GSE1: variants seen among roughly 807,000 people sequenced by gnomAD.
GSE1 encodes Gse1 coiled-coil protein, also known as genetic suppressor element 1.
GSE1 carries 32 observed loss-of-function variants against 112.6 expected under a neutral mutation model. That is an observed-to-expected ratio of 0.28 (90% confidence interval 0.21 to 0.38). The LOEUF is 0.38. Among genes scored for constraint, GSE1 ranks in the 10% least tolerant of loss-of-function variants. GSE1 has a pLI of 1.00. For missense variants in GSE1, 2,348 were observed against 1,699.2 expected (o/e 1.38, Z -6.71); for synonymous variants, 1,115 against 735.6 (o/e 1.52, Z -8.35).
At chr16:85,315,137 C>G (rs958022851) in intron 1 of GSE1, among the ~76,000 whole-genome samples, 10 of 151,180 alleles carry the variant, frequency 6.6e-5, no homozygotes, top group Admixed American at 2.6e-4. Flanking sequence ...TAACATCTTC[C>G]TCTGAGAAGT....
intron 2 of GSE1, among the ~76,000 whole-genome samples, chr16:85,415,579 C>T (rs1371457498): frequency 1.3e-5 from 2 of 152,252 alleles, no homozygotes; most frequent in Non-Finnish European, 2.9e-5. Context: ...AGCCAGGGCC[C>T]CGAGCAAACC....
At chr16:85,578,083 C>T (rs1032467956) in intron 1 of GSE1, among the ~76,000 whole-genome samples, 7 of 152,216 alleles carry the variant, frequency 4.6e-5, no homozygotes, top group South Asian at 2.1e-4. Flanking sequence ...GCAGTTCTTC[C>T]GTTGAATTCC....
At chr16:85,206,193 G>C (rs554449095) in intron 1 of GSE1, among the ~76,000 whole-genome samples, 2 of 149,400 alleles carry the variant, frequency 1.3e-5, no homozygotes, top group African/African-American at 2.6e-5. Context: ...CACCCAGATG[G>C]GGGGGGCGCA....
At position 85,518,072 on chromosome 16, in the gene GSE1, C is replaced by T. The variant is rs925467820; in HGVS notation, c.2465-115842C>T. Among the ~76,000 whole-genome samples the T allele has an allele frequency of 1.3e-5, 2 of 152,220 alleles. 1 individual carries two copies. Among genetic ancestry groups the T allele is most frequent in the Middle Eastern group, 6.3e-3 (2 of 316 alleles). On this transcript the variant is annotated intron_variant, in intron 2 of 2. Coordinates refer to the GSE1 transcript ENST00000637419. The stretch of plus-strand genomic sequence containing the variant: ...CTGGCCCGAGATGCCCTGACAGGCG[C>T]GTCGGCTGGAACTGGGCACAGCCGG...
At chr16:85,668,928 G>T (rs1045206410) in intron 14 of GSE1, among the ~76,000 whole-genome samples, 2 of 152,258 alleles carry the variant, frequency 1.3e-5, no homozygotes, top group African/African-American at 2.4e-5. Flanking sequence ...CAGGCTCCTG[G>T]TAAAGGCTTA....
intron 1 of GSE1, among the ~76,000 whole-genome samples, chr16:85,263,691 G>A (rs940605003): frequency 1.4e-4 from 22 of 151,950 alleles, no homozygotes; most frequent in African/African-American, 4.8e-4. Context: ...TCCCGCCTCA[G>A]CCTCCCAAGT....
rs564352349 is a variant in GSE1 at position 85,374,552 on chromosome 16, G to A, written c.2464+16909G>A. Reference sequence around the variant, plus strand: ...TGTGTGTGTGTGTGTGTGCGCGCGCGCGTGCACAGGTAGCTCCTAGCGTGT... The same window carrying A: ...TGTGTGTGTGTGTGTGTGCGCGCGCACGTGCACAGGTAGCTCCTAGCGTGT... On this transcript the variant is annotated intron_variant, in intron 2 of 2. Coordinates refer to the GSE1 transcript ENST00000637419. 2.0e-4 allele frequency among the ~76,000 whole-genome samples: 30 copies of A among 152,080 alleles called. No homozygotes were observed. The East Asian group carries it at 4.3e-3, about 22-fold the overall frequency.
intron 1 of GSE1, among the ~76,000 whole-genome samples, chr16:85,591,420 C>G (rs1410707718): frequency 6.6e-6 from 1 of 152,228 alleles, no homozygotes; most frequent in African/African-American, 2.4e-5. Context: ...ATTTGGGAGC[C>G]CAGTGGCTCT....
chr16:85,192,295 C>T (rs749540933), intron 1 of GSE1, among the ~76,000 whole-genome samples: 5 of 152,226 alleles, frequency 3.3e-5, no homozygotes, highest in African/African-American at 4.8e-5. Flanking sequence ...GCTAGCTGTG[C>T]GTTCTTGGGT....
intron 2 of GSE1, among the ~76,000 whole-genome samples, chr16:85,514,583 G>T (rs1218329166): frequency 6.6e-6 from 1 of 152,222 alleles, no homozygotes; most frequent in Admixed American, 6.5e-5. Context: ...AAGGCGGCCA[G>T]CCCCACTCTT....
At chr16:85,255,095 C>T (rs1293155870) in intron 1 of GSE1, among the ~76,000 whole-genome samples, 11 of 152,220 alleles carry the variant, frequency 7.2e-5, no homozygotes, top group African/African-American at 2.2e-4. Context: ...GAGGCGGCGG[C>T]GGCGGTCGCT....
At chr16:85,485,564 C>T (rs181427688) in intron 2 of GSE1, among the ~76,000 whole-genome samples, 44 of 152,372 alleles carry the variant, frequency 2.9e-4, no homozygotes, top group African/African-American at 9.4e-4. Flanking sequence ...CGGCTGCCGC[C>T]GCCGCCGCGT....
At chr16:85,376,188 C>T (rs1390915069) in intron 2 of GSE1, among the ~76,000 whole-genome samples, 1 of 152,202 alleles carries the variant, frequency 6.6e-6, no homozygotes, top group African/African-American at 2.4e-5. Context: ...TTCTGCCTCC[C>T]CTGGCAAGCA....
chr16:85,269,570 A>G (rs1166828299), intron 1 of GSE1, among the ~76,000 whole-genome samples: 1 of 149,286 alleles, frequency 6.7e-6, no homozygotes, highest in Non-Finnish European at 1.5e-5. Context: ...CTGGGGACCC[A>G]GGACAGAACA....
chr16:85,571,682 C>T (rs1397453458), intron 1 of GSE1, among the ~76,000 whole-genome samples: 1 of 152,170 alleles, frequency 6.6e-6, no homozygotes, highest in Non-Finnish European at 1.5e-5. Flanking sequence ...ACATTAAACA[C>T]AGGAAGGACT....
chr16:85,338,000 C>T (rs2046542182), intron 1 of GSE1, among the ~76,000 whole-genome samples: 1 of 152,156 alleles, frequency 6.6e-6, no homozygotes, highest in South Asian at 2.1e-4. Flanking sequence ...CTGGGAACAC[C>T]CCTGGGCTCT....
At chr16:85,319,581 CATT>C (rs1439422544) in intron 1 of GSE1, among the ~76,000 whole-genome samples, 2 of 152,222 alleles carry the variant, frequency 1.3e-5, no homozygotes, top group African/African-American at 4.8e-5. Context: ...TCTGGGCAGA[CATT>C]ATTGCGACCA....
intron 1 of GSE1, chr16:85,594,756 T>C (rs1297566345): frequency 6.6e-6 from 1 of 152,304 alleles, no homozygotes; most frequent in Non-Finnish European, 1.5e-5. Context: ...GTGGATAAAG[T>C]CTGTCGAGTG....
chr16:85,600,027 C>T (rs1371180032), intron 1 of GSE1, among the ~76,000 whole-genome samples: 1 of 152,214 alleles, frequency 6.6e-6, no homozygotes, highest in East Asian at 1.9e-4. Flanking sequence ...CCCTTGAAGC[C>T]GTGCCTGGCT....
Sources: gnomAD v4.1 joint callset for allele counts (sites outside exome capture counted in the v4.1 genomes callset) on GRCh38, gnomAD v4.1.1 for gene constraint, MANE v1.5 for transcripts, NCBI Gene and HGNC (gene_info 2026-07-23, HGNC 2026-07-21) for gene names.